Variants in ZNF273 observed in about 807,000 individuals in gnomAD.
ZNF273 encodes zinc finger protein 9.
A neutral mutation model predicts 14.9 loss-of-function variants in ZNF273; 11 were observed. The ratio of observed to expected loss-of-function variants is 0.74; its 90% CI spans 0.46 to 1.22. ZNF273 has a LOEUF of 1.22. Ranked by LOEUF, ZNF273 falls within the 50% of genes most tolerant of loss-of-function variation. The pLI is 0.00. For missense variants in ZNF273, 577 were observed against 660.6 expected, an observed-to-expected ratio of 0.87 and a Z score of 1.39; for synonymous variants, 199 against 223.9, an observed-to-expected ratio of 0.89 and a Z score of 0.99.
At chr7:64,888,968 C>T, downstream of ZNF273, 1 of 982,266 alleles carries the variant, frequency 1.0e-6, no homozygotes, top group Non-Finnish European at 1.2e-6. Context: ...GTCCACCCAG[C>T]CGCCGTGGTC....
upstream of ZNF273, among the ~76,000 whole-genome samples, chr7:64,901,456 G>A (rs949680425): frequency 6.6e-6 from 1 of 152,160 alleles, no homozygotes; most frequent in Non-Finnish European, 1.5e-5. Context: ...TAGACTATTG[G>A]TATCCCAGAG....
intron 1 of ZNF273, among the ~76,000 whole-genome samples, chr7:64,912,368 G>A (rs1176029029): frequency 6.6e-6 from 1 of 152,332 alleles, no homozygotes; most frequent in East Asian, 1.9e-4. Context: ...TCAATAATCT[G>A]TCTAATAGTG....
chr7:64,881,406 T>C (rs1791250616), downstream of ZNF273, among the ~76,000 whole-genome samples: 1 of 152,256 alleles, frequency 6.6e-6, no homozygotes, highest in African/African-American at 2.4e-5. Flanking sequence ...TGTTTCCTTC[T>C]AAACACTGTC....
downstream of ZNF273, chr7:64,882,504 TGGCGGGGCACAAGGCGCCAGC>T (rs1791291551): frequency 6.6e-6 from 1 of 152,298 alleles, no homozygotes; most frequent in Non-Finnish European, 1.5e-5. Flanking sequence ...CATGTGCCAG[TGGCGGGGCACAAGGCGCCAGC>T]GGCGAGCACT....
intron 1 of ZNF273, among the ~76,000 whole-genome samples, chr7:64,888,037 A>C (rs1336498895): frequency 6.6e-6 from 1 of 152,080 alleles, no homozygotes; most frequent in South Asian, 2.1e-4. Context: ...TCCCAGCCCC[A>C]ATGCTGGCAC....
At chr7:64,933,078 TCTC>T (rs1795025872), downstream of ZNF273, among the ~76,000 whole-genome samples, 1 of 152,156 alleles carries the variant, frequency 6.6e-6, no homozygotes, top group African/African-American at 2.4e-5. Context: ...TTCAAGCTGT[TCTC>T]CTGCCTCAGC....
downstream of ZNF273, among the ~76,000 whole-genome samples, chr7:64,931,566 T>C (rs1794993817): frequency 6.6e-6 from 1 of 152,198 alleles, no homozygotes; most frequent in African/African-American, 2.4e-5. Context: ...CTTTGTTCTT[T>C]TAATTGGAGA....
intron 1 of ZNF273, among the ~76,000 whole-genome samples, chr7:64,905,929 G>C (rs1019050247): frequency 1.4e-4 from 22 of 152,056 alleles, no homozygotes; most frequent in African/African-American, 5.1e-4. Context: ...CAAAAAGGTG[G>C]GTTTCAGGGA....
At chr7:64,907,670 T>TA (rs1286119647) in intron 1 of ZNF273, among the ~76,000 whole-genome samples, 1 of 152,120 alleles carries the variant, frequency 6.6e-6, no homozygotes, top group Non-Finnish European at 1.5e-5. Flanking sequence ...TAGTTGGTGT[T>TA]AGAGAATTGC....
chr7:64,880,598 C>T (rs1791217458), downstream of ZNF273, among the ~76,000 whole-genome samples: 1 of 152,026 alleles, frequency 6.6e-6, no homozygotes. Flanking sequence ...GTCGCCCCAC[C>T]TTCTGGAAGC....
At chr7:64,898,340 A>T (rs1224326564), upstream of ZNF273, among the ~76,000 whole-genome samples, 1 of 152,200 alleles carries the variant, frequency 6.6e-6, no homozygotes, top group Non-Finnish European at 1.5e-5. Context: ...TTGCCATTTT[A>T]ATGATGACAG....
At chr7:64,878,576 G>A (rs971220325) in intron 2 of ZNF273, 1 of 152,256 alleles carries the variant, frequency 6.6e-6, no homozygotes, top group Non-Finnish European at 1.5e-5. Context: ...GTCACAGAAG[G>A]TGCTTCCAAC....
chr7:64,916,825 TTAAAG>T (rs1794034622), intron 1 of ZNF273, among the ~76,000 whole-genome samples: 1 of 152,136 alleles, frequency 6.6e-6, no homozygotes, highest in South Asian at 2.1e-4. Flanking sequence ...AACCCAGAAC[TTAAAG>T]TATAATAAAA....
chr7:64,936,624 T>A, the ZNF273 span, among the ~76,000 whole-genome samples: 1 of 152,234 alleles, frequency 6.6e-6, no homozygotes, highest in Non-Finnish European at 1.5e-5. Context: ...ATATTCCAGG[T>A]AAGTCAGAGA....
At chr7:64,913,727 C>T (rs962989921) in intron 1 of ZNF273, among the ~76,000 whole-genome samples, 12 of 152,148 alleles carry the variant, frequency 7.9e-5, no homozygotes, top group Non-Finnish European at 1.5e-4. Context: ...TCAGCATTGA[C>T]GAGGACTTGT....
intron 1 of ZNF273, among the ~76,000 whole-genome samples, chr7:64,913,428 G>A (rs1009784328): frequency 6.6e-5 from 10 of 152,180 alleles, no homozygotes; most frequent in African/African-American, 4.8e-5. Flanking sequence ...TATTTCCAGC[G>A]AAGCGCTGTG....
At chr7:64,908,080 C>T (rs529969675) in intron 1 of ZNF273, among the ~76,000 whole-genome samples, 42 of 152,324 alleles carry the variant, frequency 2.8e-4, no homozygotes, top group African/African-American at 8.9e-4. Flanking sequence ...ATCCCCACCC[C>T]CAGACACTGA....
At chr7:64,890,662 C>T (rs1349286250), downstream of ZNF273, among the ~76,000 whole-genome samples, 1 of 152,220 alleles carries the variant, frequency 6.6e-6, no homozygotes, top group Admixed American at 6.5e-5. Flanking sequence ...AATATTCCAT[C>T]CAAGAGCATG....
At chr7:64,889,381 C>T (rs1791820322), downstream of ZNF273, 3 of 976,408 alleles carry the variant, frequency 3.1e-6, no homozygotes, top group South Asian at 1.4e-4. This position sits in a 1 kb window ranked among gnomAD's most constrained non-coding sequence, Gnocchi z 4.2. Context: ...GGTCATCTGG[C>T]AGGGCCGTGC....
Sources: allele counts gnomAD v4.1 joint callset (sites outside exome capture counted in the v4.1 genomes callset), GRCh38; gene constraint gnomAD v4.1.1; non-coding constraint Gnocchi (gnomAD v3.1); transcripts MANE v1.5; gene names NCBI Gene and HGNC (gene_info 2026-07-23, HGNC 2026-07-21).